AURKA: variants seen among roughly 807,000 people sequenced by gnomAD.
AURKA encodes the protein aurora 2.
In AURKA, 12 loss-of-function variants were observed where a neutral mutation model predicts 40.9. That is an observed-to-expected ratio of 0.29 (90% CI 0.19 to 0.48). The LOEUF is 0.48. Ranked by LOEUF, AURKA falls within the 20% of genes least tolerant of loss-of-function variation. The pLI is 0.99. For missense variants in AURKA, 322 were observed against 462.1 expected, an observed-to-expected ratio of 0.70 and a Z score of 2.78; for synonymous variants, 170 against 164.3, an observed-to-expected ratio of 1.03 and a Z score of -0.26.
intron 5 of AURKA, 37 bp downstream of exon 5, chr20:56,382,948 G>C (rs1418103573): frequency 6.2e-7 from 1 of 1,608,178 alleles, no homozygotes; most frequent in South Asian, 1.1e-5. Context: ...GTGCAGCATT[G>C]GTGAACATTC....
At chr20:56,385,886 A>G (rs1019941080) in intron 3 of AURKA, among the ~76,000 whole-genome samples, 12 of 152,062 alleles carry the variant, frequency 7.9e-5, no homozygotes, top group African/African-American at 2.7e-4. Flanking sequence ...TGGTGACCTC[A>G]CCGCAGCCTG....
intron 5 of AURKA, among the ~76,000 whole-genome samples, chr20:56,381,922 T>C (rs1358737458): frequency 6.6e-6 from 1 of 151,884 alleles, no homozygotes; most frequent in Non-Finnish European, 1.5e-5. Flanking sequence ...TCCCAGCACT[T>C]TGGGAGGCCG....
In AURKA at chr20:56,370,499, T is replaced by C. The variant is rs1255724180; in HGVS notation, c.1015A>G (p.Lys339Glu). The part of the protein sequence containing the change: ...FEANTYQETY[K>E]RISRVEFTFP... ...TTGCGTCTTACCCGTGATATTCTTT[T>C]GTAGGTCTCTTGGTATGTGTTTGCC... Residue 339 changes from lysine to glutamate, a missense_variant, in exon 8 of 9, where the codon AAA (lysine) becomes GAA (glutamate). Physicochemically the swap from Lys to Glu is moderately conservative, Grantham distance 56. Transcript: ENST00000395915. 1.2e-6 allele frequency: 2 copies of C among 1,614,234 alleles called. No homozygotes were observed. Among genetic ancestry groups the C allele is most frequent in the Non-Finnish European group, 1.7e-6 (2 of 1,180,042 alleles).
rs1569031118 is a variant in AURKA, at chr20:56,369,870, T to C, written c.*288A>G. The C allele has an allele frequency of 7.9e-6, 4 of 509,226 alleles. No individual in the cohort carries two copies. The highest frequency in any genetic ancestry group is 1.4e-5 in the Non-Finnish European group (4 of 280,082). 31.5% of individuals were successfully genotyped at this position (509,226 alleles called of 1,614,324 possible). ...GGATTTGCCTCCTGTGAAGACACCA[T>C]GCCTAGCACAGGCTGACGGGGCGGC... On this transcript the variant is annotated 3_prime_UTR_variant, in exon 9 of 9. Coordinates refer to ENST00000395915, the MANE Select transcript of AURKA (RefSeq NM_198437.3).
intron 5 of AURKA, among the ~76,000 whole-genome samples, chr20:56,382,559 C>T (rs1047529082): frequency 6.6e-6 from 1 of 152,184 alleles, no homozygotes; most frequent in African/African-American, 2.4e-5. Context: ...CACTGTCCAC[C>T]AGAAAGACTT....
intron 4 of AURKA, among the ~76,000 whole-genome samples, chr20:56,383,604 T>C (rs550751827): frequency 6.6e-6 from 1 of 152,192 alleles, no homozygotes; most frequent in East Asian, 1.9e-4. Flanking sequence ...TCTCTCTGGG[T>C]GGAGAACCAC....
At chr20:56,371,611 G>T (rs1984238909) in intron 7 of AURKA, among the ~76,000 whole-genome samples, 1 of 151,732 alleles carries the variant, frequency 6.6e-6, no homozygotes, top group African/African-American at 2.4e-5. Flanking sequence ...TCTGGCTTTA[G>T]ACCACAGAGA....
At chr20:56,387,209 A>G (rs931021474) in intron 2 of AURKA, among the ~76,000 whole-genome samples, 1 of 152,176 alleles carries the variant, frequency 6.6e-6, no homozygotes, top group African/African-American at 2.4e-5. Flanking sequence ...ACTGGAGTGC[A>G]GTGGCATGAT....
At chr20:56,377,204 C>A (rs1031538500) in intron 6 of AURKA, among the ~76,000 whole-genome samples, 15 of 152,114 alleles carry the variant, frequency 9.9e-5, no homozygotes, top group African/African-American at 3.6e-4. Flanking sequence ...TTGAGCTCAA[C>A]AGGCAGAGGC....
chr20:56,369,645 C>T lies in AURKA; in HGVS notation c.*513G>A. ...ACACACAGCATTCCTAAAGGAATGC[C>T]ACCAGAGAAAAAATACAAGTCTGTA... On this transcript the variant is annotated 3_prime_UTR_variant, in exon 9 of 9. Coordinates refer to ENST00000395915, the MANE Select transcript of AURKA (RefSeq NM_198437.3). 3.7e-6 allele frequency: 1 copy of T among 272,196 alleles called. No homozygotes were observed. Among genetic ancestry groups the T allele is most frequent in the Non-Finnish European group, 7.1e-6 (1 of 139,944 alleles). The allele number at this position is 272,196 out of a possible 1,614,324, so 16.9% of individuals were successfully genotyped here. A position where few individuals can be genotyped will look rare whatever the true frequency, so the allele number is the denominator to read the frequency against.
intron 1 of AURKA, 120 bp from the exon 2 acceptor site, chr20:56,388,322 A>G (rs539436447): frequency 1.1e-6 from 1 of 914,674 alleles, no homozygotes; most frequent in Non-Finnish European, 1.8e-6. Flanking sequence ...CGGATTTTAC[A>G]TGTTTTGTCC....
intron 7 of AURKA, among the ~76,000 whole-genome samples, chr20:56,371,572 GA>G (rs1984231961): frequency 6.6e-6 from 1 of 150,702 alleles, no homozygotes; most frequent in Non-Finnish European, 1.5e-5. Context: ...AACACAATCA[GA>G]AAAGTCCTCT....
chr20:56,388,080 C>T (rs932918975), intron 2 of AURKA, 76 bp downstream of exon 2: 13 of 86,156 alleles, frequency 1.5e-4, no homozygotes, highest in African/African-American at 5.0e-4. Flanking sequence ...AAAGTAAAGG[C>T]GGAAAGAATT....
rs568291401 is a variant in AURKA, at chr20:56,375,759, TGA to T, written c.706-2205_706-2204del. Among the ~76,000 whole-genome samples, 15 of 152,326 alleles carry T rather than the reference TGA, an allele frequency of 9.8e-5. No homozygotes were observed. In the East Asian group the frequency reaches 2.9e-3, roughly 29 times the overall value. ...TGCTTTAATTGCACACATTAAAGTTTGAGAGGGCAATGGATTTCACTCCTCAA... is the reference window on the plus strand; with the variant it reads ...TGCTTTAATTGCACACATTAAAGTTTGAGGGCAATGGATTTCACTCCTCAA... On this transcript the variant is annotated intron_variant, in intron 6 of 8. Transcript: ENST00000395915.
At chr20:56,383,395 G>A (rs1275998742) in intron 4 of AURKA, among the ~76,000 whole-genome samples, 7 of 152,180 alleles carry the variant, frequency 4.6e-5, no homozygotes, top group Admixed American at 3.9e-4. Context: ...CAGTGACAAG[G>A]AGCAGTCTCG....
At chr20:56,391,094 G>A (rs1987046630) in intron 1 of AURKA, among the ~76,000 whole-genome samples, 1 of 152,212 alleles carries the variant, frequency 6.6e-6, no homozygotes, top group African/African-American at 2.4e-5. Flanking sequence ...AGAACCAGAT[G>A]ACTTTCACAG....
rs188850193 is a variant in AURKA, at chr20:56,377,219, G to A, written c.706-3663C>T. Among the ~76,000 whole-genome samples, 427 of 152,356 alleles carry A rather than the reference G, an allele frequency of 2.8e-3. 4 individuals carry two copies. Among genetic ancestry groups the A allele is most frequent in the Non-Finnish European group, 2.2e-3 (152 of 68,042 alleles). On this transcript the variant is annotated intron_variant, in intron 6 of 8. Coordinates refer to ENST00000395915, the MANE Select transcript of AURKA (RefSeq NM_198437.3). ...TTGAGCTCAACAGGCAGAGGCTGCAGTGAGCAGAGATCGCACCACTGCACC... is the reference window on the plus strand; with the variant it reads ...TTGAGCTCAACAGGCAGAGGCTGCAATGAGCAGAGATCGCACCACTGCACC...
In AURKA at chr20:56,369,902, C is replaced by T. The variant is rs1179115541; in HGVS notation, c.*256G>A. The T allele has an allele frequency of 2.3e-5, 13 of 563,116 alleles. No homozygotes were observed. Among genetic ancestry groups the T allele is most frequent in the African/African-American group, 1.7e-4 (9 of 53,670 alleles). 34.9% of individuals were successfully genotyped at this position (563,116 alleles called of 1,614,324 possible). On this transcript the variant is annotated 3_prime_UTR_variant, in exon 9 of 9. Coordinates refer to ENST00000395915, the MANE Select transcript of AURKA (RefSeq NM_198437.3). Reference sequence around the variant, plus strand: ...CACAGGCTGACGGGGCGGCTGCAGTCGAACCTTGCCTCCAGATTATGAACC... The same window carrying T: ...CACAGGCTGACGGGGCGGCTGCAGTTGAACCTTGCCTCCAGATTATGAACC...
rs568356248 is a variant in AURKA, at chr20:56,386,361, T to C, written c.215A>G (p.Gln72Arg). 1.2e-5 allele frequency: 19 copies of C among 1,614,124 alleles called. No homozygotes were observed. The highest frequency in any genetic ancestry group is 1.6e-5 in the Non-Finnish European group (19 of 1,180,050). Residue 72 changes from glutamine to arginine, a missense_variant, in exon 3 of 9, where the codon CAG becomes CGG. Transcript: ENST00000395915. ...CTGCAATTGCTTCTGCTTCTGATTC[T>C]GAACCGGCTTGTGACTGGAGACAAG... Reference protein sequence around the residue: ...QKLVSSHKPVQNQKQKQLQAT... With the variant: ...QKLVSSHKPVRNQKQKQLQAT...
Sources: allele counts gnomAD v4.1 joint callset (sites outside exome capture counted in the v4.1 genomes callset), GRCh38; gene constraint gnomAD v4.1.1; transcripts MANE v1.5; gene names NCBI Gene and HGNC (gene_info 2026-07-23, HGNC 2026-07-21).